NPR3: variants seen among roughly 807,000 people sequenced by gnomAD.
The protein encoded by NPR3 is natriuretic peptide receptor 3, also known as atrial natriuretic peptide receptor 3.
NPR3 carries 34 observed loss-of-function variants against 54.5 expected under a neutral mutation model. The ratio of observed to expected loss-of-function variants is 0.62; its 90% confidence interval spans 0.47 to 0.83. NPR3 has a LOEUF of 0.83. Ranked by LOEUF, NPR3 falls within the 40% of genes least tolerant of loss-of-function variation. The pLI is 0.00. For synonymous variants in NPR3, 289 were observed against 297.1 expected, an observed-to-expected ratio of 0.97 and a Z score of 0.28; for missense variants, 674 against 720.8, an observed-to-expected ratio of 0.94 and a Z score of 0.74.
rs1376129526 is a variant in NPR3, at chr5:32,790,760, G to A, written c.*4415G>A. On this transcript the variant is annotated 3_prime_UTR_variant, in exon 8 of 8. Coordinates refer to ENST00000265074, the MANE Select transcript of NPR3 (RefSeq NM_001204375.2). ...TTCTAAACCAGCTGATGCTGTCAGT[G>A]TTCAAGTTTTAAGTGACTTCAAACA... is the stretch of plus-strand genomic sequence containing the variant. The A allele has an allele frequency of 6.0e-6, 1 of 166,986 alleles. No homozygotes were observed. The highest frequency in any genetic ancestry group is 2.4e-5 in the African/African-American group (1 of 41,426). 10.3% of individuals were successfully genotyped at this position (166,986 alleles called of 1,614,324 possible). A position where few individuals can be genotyped will look rare whatever the true frequency, so the allele number is the denominator to read the frequency against.
chr5:32,749,697 C>A (rs368604677), intron 3 of NPR3, among the ~76,000 whole-genome samples: 2 of 152,256 alleles, frequency 1.3e-5, no homozygotes, highest in African/African-American at 4.8e-5. Flanking sequence ...GAAAGTCTCA[C>A]CTTTAGGACT....
At chr5:32,773,375 T>C (rs1741872808) in intron 3 of NPR3, among the ~76,000 whole-genome samples, 1 of 152,220 alleles carries the variant, frequency 6.6e-6, no homozygotes, top group Admixed American at 6.5e-5. Context: ...TTGCTTTTAA[T>C]GTAGGTAAGG....
At chr5:32,769,235 C>G (rs569574644) in intron 3 of NPR3, among the ~76,000 whole-genome samples, 1 of 152,092 alleles carries the variant, frequency 6.6e-6, no homozygotes, top group African/African-American at 2.4e-5. Context: ...GAACAAAAAT[C>G]GATATTCTAT....
intron 4 of NPR3, among the ~76,000 whole-genome samples, chr5:32,776,089 A>T (rs1394196484): frequency 6.6e-6 from 1 of 152,234 alleles, no homozygotes; most frequent in Admixed American, 6.5e-5. Flanking sequence ...TTCTGTGTAT[A>T]AATATTTTAA....
chr5:32,785,001 T>TA, intron 7 of NPR3, 118 bp downstream of exon 7: 1 of 841,260 alleles, frequency 1.2e-6, no homozygotes. Context: ...GCACGGTGGT[T>TA]AAAAAATCTC....
chr5:32,726,090 T>C, intron 2 of NPR3, among the ~76,000 whole-genome samples: 1 of 152,324 alleles, frequency 6.6e-6, no homozygotes. Flanking sequence ...AAACGCTGCA[T>C]GCTGGCTGCT....
chr5:32,755,391 T>C (rs1740783708), intron 3 of NPR3, among the ~76,000 whole-genome samples: 1 of 152,242 alleles, frequency 6.6e-6, no homozygotes, highest in Non-Finnish European at 1.5e-5. Context: ...TGTTAACCAC[T>C]TGACTCTCCC....
intron 3 of NPR3, among the ~76,000 whole-genome samples, chr5:32,742,060 A>C (rs1740064911): frequency 6.6e-6 from 1 of 151,690 alleles, no homozygotes; most frequent in African/African-American, 2.4e-5. Flanking sequence ...AGCCTGTAGG[A>C]GTCTGGGGTC....
intron 4 of NPR3, among the ~76,000 whole-genome samples, chr5:32,778,128 A>G (rs1305452710): frequency 6.6e-6 from 1 of 152,114 alleles, no homozygotes; most frequent in African/African-American, 2.4e-5. Context: ...GCATGGGTTA[A>G]ATTTTCCCAT....
intron 3 of NPR3, among the ~76,000 whole-genome samples, chr5:32,756,645 T>A (rs541720967): frequency 6.6e-6 from 1 of 152,366 alleles, no homozygotes; most frequent in Admixed American, 6.5e-5. Flanking sequence ...TTGTTGCCAT[T>A]GCTTTTGGTG....
intron 3 of NPR3, among the ~76,000 whole-genome samples, chr5:32,765,134 A>G (rs1248364624): frequency 6.6e-6 from 1 of 152,204 alleles, no homozygotes; most frequent in Non-Finnish European, 1.5e-5. Context: ...AAGTACCGCA[A>G]TTGCTAATAG....
intron 3 of NPR3, among the ~76,000 whole-genome samples, chr5:32,743,648 C>T (rs940600707): frequency 6.6e-6 from 1 of 152,256 alleles, no homozygotes; most frequent in East Asian, 1.9e-4. Context: ...GGAGAATATA[C>T]TTATGGTTGA....
At chr5:32,709,090 C>T (rs931474371), upstream of NPR3, among the ~76,000 whole-genome samples, 1 of 152,102 alleles carries the variant, frequency 6.6e-6, no homozygotes, top group African/African-American at 2.4e-5. Context: ...TGTTGAACTG[C>T]AGGCGAGGCT....
intron 3 of NPR3, among the ~76,000 whole-genome samples, chr5:32,755,209 A>G (rs746415949): frequency 1.8e-4 from 28 of 152,174 alleles, no homozygotes; most frequent in Non-Finnish European, 2.6e-4. Context: ...AGATTGACAT[A>G]CCAATTTTCC....
chr5:32,703,568 T>A (rs1737891458), intron 1 of NPR3, among the ~76,000 whole-genome samples: 1 of 152,124 alleles, frequency 6.6e-6, no homozygotes, highest in Admixed American at 6.5e-5. Flanking sequence ...AGACTGCAGG[T>A]GATAAATCCT....
chr5:32,780,857 C>T lies in NPR3; in HGVS notation c.1290+41C>T, dbSNP rs201049974. On this transcript the variant is annotated intron_variant, in intron 5 of 7. Transcript: ENST00000265074. ...CTCTGCACCAGTTGCTCCTTCTGCT[C>T]GTGGGGACTCTGAGGAATGCATTTG... The T allele has an allele frequency of 2.7e-3, 2,357 of 870,538 alleles. 4 individuals carry two copies. Among genetic ancestry groups the T allele is most frequent in the Non-Finnish European group, 3.9e-3 (2,002 of 510,098 alleles). The allele number at this position is 870,538 out of a possible 1,614,324, so 53.9% of individuals were successfully genotyped here. A position where few individuals can be genotyped will look rare whatever the true frequency, so the allele number is the denominator to read the frequency against.
At chr5:32,716,444 G>T (rs1213472644) in intron 1 of NPR3, 1 of 453,230 alleles carries the variant, frequency 2.2e-6, no homozygotes, top group Non-Finnish European at 4.4e-6. Context: ...TCATTCTACT[G>T]CCTGTTAACC....
intron 1 of NPR3, among the ~76,000 whole-genome samples, chr5:32,693,582 A>T (rs945781779): frequency 1.3e-5 from 2 of 152,212 alleles, no homozygotes; most frequent in Non-Finnish European, 2.9e-5. Context: ...TGTCCTGATA[A>T]TGTTACTTTT....
rs1561140975 is a variant in NPR3, at chr5:32,789,365, A to G, written c.*3020A>G. On this transcript the variant is annotated 3_prime_UTR_variant, in exon 8 of 8. Coordinates refer to ENST00000265074, the MANE Select transcript of NPR3 (RefSeq NM_001204375.2). ...TCAATCTGGAAAGAATTTTTTGTAT[A>G]GAGTCCATCTCTCCCTCAAGACTGA... 1 of 453,588 alleles carries G rather than the reference A, an allele frequency of 2.2e-6. No individual in the cohort carries two copies. The highest frequency in any genetic ancestry group is 4.4e-6 in the Non-Finnish European group (1 of 225,962). 28.1% of individuals were successfully genotyped at this position (453,588 alleles called of 1,614,324 possible).
Sources: gnomAD v4.1 joint callset for allele counts (sites outside exome capture counted in the v4.1 genomes callset) on GRCh38, gnomAD v4.1.1 for gene constraint, MANE v1.5 for transcripts, NCBI Gene and HGNC (gene_info 2026-07-23, HGNC 2026-07-21) for gene names.